Variants in CADPS2 observed in about 807,000 individuals in gnomAD.
CADPS2 encodes calcium-dependent secretion activator 2.
A neutral mutation model predicts 172.5 loss-of-function variants in CADPS2; 93 were observed. That is an observed-to-expected ratio of 0.54 (90% CI 0.46 to 0.64). The LOEUF (loss-of-function observed/expected upper bound fraction) is 0.64. CADPS2 is among the 30% of genes least tolerant of loss of function. CADPS2 has a pLI of 0.00. For synonymous variants in CADPS2, 546 were observed against 555.2 expected, an observed-to-expected ratio of 0.98 and a Z score of 0.23; for missense variants, 1,420 against 1,565.9, an observed-to-expected ratio of 0.91 and a Z score of 1.57.
chr7:122,809,124 T>C (rs34648595), intron 1 of CADPS2, among the ~76,000 whole-genome samples: 30,166 of 151,980 alleles, frequency 0.2, 3,085 homozygotes, highest in Middle Eastern at 0.3. Context: ...TGTATATACA[T>C]TGTATAAATA....
At chr7:122,478,866 C>T (rs10215486) in intron 12 of CADPS2, among the ~76,000 whole-genome samples, 3,174 of 152,036 alleles carry the variant, frequency 0.021, 118 homozygotes, top group African/African-American at 0.073. Context: ...TGAATAGTGC[C>T]ACAATAAACA....
intron 9 of CADPS2, among the ~76,000 whole-genome samples, chr7:122,504,442 T>C (rs936463578): frequency 7.9e-5 from 12 of 152,182 alleles, no homozygotes; most frequent in Non-Finnish European, 1.5e-4. Context: ...GATTGAACTC[T>C]CTTCAAACCA....
At chr7:122,848,048 T>C (rs1014785697) in intron 1 of CADPS2, among the ~76,000 whole-genome samples, 25 of 152,226 alleles carry the variant, frequency 1.6e-4, no homozygotes, top group African/African-American at 5.8e-4. Context: ...ATTAGAACAC[T>C]CAACTCTTTG....
chr7:122,636,472 T>C (rs1050771811), intron 3 of CADPS2, among the ~76,000 whole-genome samples: 127 of 147,478 alleles, frequency 8.6e-4, no homozygotes, highest in African/African-American at 3.0e-3. Flanking sequence ...GTTTTTTTTT[T>C]TTTTTTTTTT....
At chr7:122,463,998 C>G (rs2054808261) in intron 14 of CADPS2, among the ~76,000 whole-genome samples, 1 of 152,100 alleles carries the variant, frequency 6.6e-6, no homozygotes, top group Non-Finnish European at 1.5e-5. Context: ...CTGAGAGGGC[C>G]TGGAAGCTAT....
In CADPS2 at chr7:122,670,544, C is replaced by T. The variant is rs564717074; in HGVS notation, c.454-6975G>A. 8.6e-5 allele frequency among the ~76,000 whole-genome samples: 13 copies of T among 151,634 alleles called. No individual in the cohort carries two copies. The South Asian group carries it at 1.3e-3, about 15-fold the overall frequency. On this transcript the variant is annotated intron_variant, in intron 2 of 29. Transcript: ENST00000449022. ...ATGGAGTCTCACTCTGTCACCCAGG[C>T]GGGAGTCCAGTGGCAACATCTCAGC...
At chr7:122,785,033 T>C (rs983711478) in intron 1 of CADPS2, among the ~76,000 whole-genome samples, 2 of 152,228 alleles carry the variant, frequency 1.3e-5, no homozygotes, top group African/African-American at 4.8e-5. Flanking sequence ...TATTTTCATA[T>C]TTATGCTCTG....
At chr7:122,735,069 G>GT (rs2092049124) in intron 2 of CADPS2, among the ~76,000 whole-genome samples, 1 of 152,070 alleles carries the variant, frequency 6.6e-6, no homozygotes, top group South Asian at 2.1e-4. Flanking sequence ...CATGAATTCT[G>GT]TAAGTCTGAT....
At chr7:122,324,014 G>GA (rs2033279878) in intron 29 of CADPS2, among the ~76,000 whole-genome samples, 1 of 150,970 alleles carries the variant, frequency 6.6e-6, no homozygotes. Context: ...AAACAATGGA[G>GA]AACTAAGCCA....
intron 1 of CADPS2, among the ~76,000 whole-genome samples, chr7:122,757,430 G>A (rs1014612649): frequency 6.6e-6 from 1 of 152,068 alleles, no homozygotes; most frequent in Non-Finnish European, 1.5e-5. Flanking sequence ...TTACAGGCAC[G>A]AGCCACTGTG....
intron 24 of CADPS2, among the ~76,000 whole-genome samples, chr7:122,380,446 G>A (rs1348208042): frequency 6.6e-6 from 1 of 151,480 alleles, no homozygotes; most frequent in African/African-American, 2.4e-5. Flanking sequence ...GGTTTCTTAA[G>A]ATGTAAGTTT....
intron 25 of CADPS2, among the ~76,000 whole-genome samples, chr7:122,374,412 T>A (rs6957516): frequency 0.084 from 12,580 of 148,976 alleles, 1,253 homozygotes; most frequent in African/African-American, 0.25. Flanking sequence ...AGTAGACAAA[T>A]AAAATAAAAT....
intron 3 of CADPS2, among the ~76,000 whole-genome samples, chr7:122,635,477 T>G (rs2134323407): frequency 6.9e-6 from 1 of 144,032 alleles, no homozygotes; most frequent in East Asian, 2.3e-4. Context: ...CCCCTTCCTG[T>G]GTCCACGTGT....
chr7:122,480,070 T>C, intron 12 of CADPS2: 1 of 470,052 alleles, frequency 2.1e-6, no homozygotes, highest in Non-Finnish European at 4.4e-6. Flanking sequence ...AACCAAAGAA[T>C]GTCCATCAAT....
intron 1 of CADPS2, among the ~76,000 whole-genome samples, chr7:122,776,568 A>G (rs1014685066): frequency 1.5e-5 from 2 of 137,618 alleles, no homozygotes; most frequent in African/African-American, 5.2e-5. Context: ...CAGAAAAAAG[A>G]AAAAAAAAAA....
intron 1 of CADPS2, among the ~76,000 whole-genome samples, chr7:122,868,413 A>G (rs1818841302): frequency 6.6e-6 from 1 of 152,158 alleles, no homozygotes; most frequent in African/African-American, 2.4e-5. Context: ...ACAGAAATAT[A>G]TATTTAACAT....
chr7:122,661,897 C>T (rs2080580027), intron 3 of CADPS2, among the ~76,000 whole-genome samples: 1 of 152,086 alleles, frequency 6.6e-6, no homozygotes, highest in East Asian at 1.9e-4. Context: ...TACAAAGTTC[C>T]AGTTGAAGTT....
At chr7:122,658,104 G>C (rs974451694) in intron 3 of CADPS2, among the ~76,000 whole-genome samples, 3 of 152,134 alleles carry the variant, frequency 2.0e-5, no homozygotes, top group Non-Finnish European at 2.9e-5. Context: ...CTTCTCAAAA[G>C]AAGACATTTA....
intron 6 of CADPS2, among the ~76,000 whole-genome samples, chr7:122,591,922 C>T (rs1296423651): frequency 1.3e-5 from 2 of 152,020 alleles, no homozygotes; most frequent in Non-Finnish European, 2.9e-5. Flanking sequence ...AGGACATAGG[C>T]ATGGACAAGG....
Sources: gnomAD v4.1 joint callset for allele counts (sites outside exome capture counted in the v4.1 genomes callset) on GRCh38, gnomAD v4.1.1 for gene constraint, MANE v1.5 for transcripts, NCBI Gene and HGNC (gene_info 2026-07-23, HGNC 2026-07-21) for gene names.